The following GNB4 variants were observed in gnomAD, a reference collection of about 807,000 sequenced individuals.
GNB4 encodes G protein subunit beta 4.
Under a neutral mutation model 45.2 loss-of-function variants are expected in GNB4, and 28 were observed. The ratio of observed to expected loss-of-function variants is 0.62; its 90% CI spans 0.46 to 0.85. The LOEUF is 0.85. Among genes scored for constraint, GNB4 ranks in the 40% least tolerant of loss-of-function variants. GNB4 has a pLI of 0.00. For synonymous variants in GNB4, 132 were observed against 143.7 expected (o/e 0.92, Z 0.58); for missense variants, 321 against 425.4 (o/e 0.75, Z 2.16).
chr3:179,422,266 A>G (rs1415454599), intron 2 of GNB4, among the ~76,000 whole-genome samples: 1 of 152,226 alleles, frequency 6.6e-6, no homozygotes, highest in African/African-American at 2.4e-5. Context: ...TATGTGCAAA[A>G]TTACATTATG....
rs1714131642 is a variant in GNB4 at position 179,396,750 on chromosome 3, ATAAG to A, written c.*4459_*4462del. On this transcript the variant is annotated 3_prime_UTR_variant, in exon 10 of 10. Transcript: ENST00000232564. Reference sequence around the variant, plus strand: ...TGTACCATCAATGTGTGATTAATTAATAAGTTACTTTTTAAAATAAAGTGCTAGC... The same window carrying A: ...TGTACCATCAATGTGTGATTAATTAATTACTTTTTAAAATAAAGTGCTAGC... 7.1e-6 allele frequency: 1 copy of A among 141,404 alleles called. No individual in the cohort carries two copies. The highest frequency in any genetic ancestry group is 1.6e-5 in the Non-Finnish European group (1 of 64,176). The allele number at this position is 141,404 out of a possible 1,614,324, so 8.8% of individuals were successfully genotyped here.
At chr3:179,414,856 G>A (rs1714750649) in intron 6 of GNB4, 29 bp downstream of exon 6, 1 of 1,531,112 alleles carries the variant, frequency 6.5e-7, no homozygotes, top group Non-Finnish European at 8.9e-7. Flanking sequence ...GGAATCGTGT[G>A]GTGGGAAAGA....
upstream of GNB4, among the ~76,000 whole-genome samples, chr3:179,451,746 G>T (rs1408726707): frequency 2.6e-5 from 4 of 152,166 alleles, no homozygotes; most frequent in Admixed American, 2.6e-4. Flanking sequence ...TTGGTGTGGC[G>T]CCGGGGCACG....
chr3:179,402,633 T>C (rs545095890), intron 9 of GNB4, among the ~76,000 whole-genome samples: 10 of 152,270 alleles, frequency 6.6e-5, no homozygotes, highest in Non-Finnish European at 1.3e-4. Flanking sequence ...CAACGAACTT[T>C]CGTAAGCTGG....
the GNB4 span, among the ~76,000 whole-genome samples, chr3:179,507,700 T>G: frequency 6.6e-6 from 1 of 152,184 alleles, no homozygotes; most frequent in African/African-American, 2.4e-5. Flanking sequence ...CATTACCTCC[T>G]CGGTGAAGTC....
intron 2 of GNB4, among the ~76,000 whole-genome samples, chr3:179,424,797 A>G (rs1360578954): frequency 1.3e-5 from 2 of 151,942 alleles, no homozygotes; most frequent in South Asian, 2.1e-4. Flanking sequence ...TTTTGTAGAG[A>G]CGGATCTCCC....
chr3:179,523,840 T>C, the GNB4 span, among the ~76,000 whole-genome samples: 2 of 151,914 alleles, frequency 1.3e-5, no homozygotes, highest in Non-Finnish European at 2.9e-5. Flanking sequence ...AGGGCGGCAA[T>C]GAGGTGTGGC....
At chr3:179,479,333 CAT>C in the GNB4 span, among the ~76,000 whole-genome samples, 1 of 152,182 alleles carries the variant, frequency 6.6e-6, no homozygotes, top group East Asian at 1.9e-4. Flanking sequence ...CTTCTCCCAA[CAT>C]GTTTTCCCAG....
chr3:179,499,791 G>T, the GNB4 span, among the ~76,000 whole-genome samples: 1 of 152,026 alleles, frequency 6.6e-6, no homozygotes, highest in Non-Finnish European at 1.5e-5. Context: ...ATTCTAACTG[G>T]TGTGAGATGT....
In GNB4 at chr3:179,440,346, T is replaced by C. The variant is rs140606724; in HGVS notation, c.-43+11000A>G. Among the ~76,000 whole-genome samples the C allele has an allele frequency of 6.2e-3, 940 of 152,222 alleles. 12 individuals are homozygous for C. The highest frequency in any genetic ancestry group is 0.021 in the African/African-American group (893 of 41,544). ...TTTATCTTGAAATATTCATGCTACC[T>C]GAAAAAAGAGACACTTGAGACATTT... On this transcript the variant is annotated intron_variant, in intron 1 of 9. Coordinates refer to ENST00000232564, the MANE Select transcript of GNB4 (RefSeq NM_021629.4).
chr3:179,461,422 G>A, the GNB4 span, among the ~76,000 whole-genome samples: 48,987 of 150,972 alleles, frequency 0.32, 8,516 homozygotes, highest in African/African-American at 0.46. Context: ...GCGTGAACCC[G>A]GGAGGCGGAG....
the GNB4 span, among the ~76,000 whole-genome samples, chr3:179,461,234 T>C: frequency 6.6e-6 from 1 of 152,156 alleles, no homozygotes; most frequent in East Asian, 1.9e-4. Flanking sequence ...TAATATATAA[T>C]TTTTAAAAAT....
the GNB4 span, among the ~76,000 whole-genome samples, chr3:179,505,625 T>C: frequency 1.3e-5 from 2 of 152,194 alleles, no homozygotes; most frequent in Non-Finnish European, 2.9e-5. Context: ...TGTCTCTCCA[T>C]GTGAAAGAAT....
chr3:179,522,866 G>A, the GNB4 span, among the ~76,000 whole-genome samples: 1 of 152,170 alleles, frequency 6.6e-6, no homozygotes, highest in Non-Finnish European at 1.5e-5. Flanking sequence ...ACAGGGCATG[G>A]TCCTGGCTGT....
chr3:179,436,125 G>A (rs1715441141), intron 1 of GNB4, among the ~76,000 whole-genome samples: 1 of 152,216 alleles, frequency 6.6e-6, no homozygotes, highest in African/African-American at 2.4e-5. Flanking sequence ...GGCCGGATCT[G>A]CAGTGGCTCA....
chr3:179,518,086 G>A, the GNB4 span, among the ~76,000 whole-genome samples: 23 of 151,874 alleles, frequency 1.5e-4, no homozygotes, highest in Admixed American at 5.9e-4. Context: ...CCTTCACTAT[G>A]GGCAACCTTC....
chr3:179,461,824 A>G, the GNB4 span, among the ~76,000 whole-genome samples: 2 of 152,236 alleles, frequency 1.3e-5, no homozygotes, highest in African/African-American at 4.8e-5. Context: ...GTTACTGTGT[A>G]ATGAGAATCT....
chr3:179,433,751 A>G (rs946996624), intron 1 of GNB4, among the ~76,000 whole-genome samples: 1 of 152,196 alleles, frequency 6.6e-6, no homozygotes, highest in African/African-American at 2.4e-5. Context: ...TTGTAAGCTA[A>G]AATTCAAATA....
the GNB4 span, among the ~76,000 whole-genome samples, chr3:179,478,837 A>G: frequency 6.6e-6 from 1 of 152,192 alleles, no homozygotes; most frequent in Non-Finnish European, 1.5e-5. Context: ...TAGCACCATC[A>G]TCCTAGTGAT....
Sources: allele counts gnomAD v4.1 joint callset (sites outside exome capture counted in the v4.1 genomes callset), GRCh38; gene constraint gnomAD v4.1.1; transcripts MANE v1.5; gene names NCBI Gene and HGNC (gene_info 2026-07-23, HGNC 2026-07-21).